Variants in GDPD1 observed in about 807,000 individuals in gnomAD.
GDPD1 encodes glycerophosphodiester phosphodiesterase domain containing 1.
GDPD1 carries 28 observed loss-of-function variants against 45.1 expected under a neutral mutation model. The observed-to-expected ratio is 0.62, with a 90% CI of 0.46 to 0.85. GDPD1 has a LOEUF of 0.85. GDPD1 is among the 40% of genes least tolerant of loss of function. GDPD1 has a pLI of 0.00. For synonymous variants in GDPD1, 139 were observed against 131.4 expected, an observed-to-expected ratio of 1.06 and a Z score of -0.40; for missense variants, 256 against 364.8, an observed-to-expected ratio of 0.70 and a Z score of 2.43.
chr17:59,237,671 A>C (rs1236949524), intron 2 of GDPD1, among the ~76,000 whole-genome samples: 2 of 152,262 alleles, frequency 1.3e-5, no homozygotes, highest in African/African-American at 4.8e-5. Context: ...TATTAATGAC[A>C]ATATAAATAG....
chr17:59,228,804 T>C (rs768421460), intron 1 of GDPD1, among the ~76,000 whole-genome samples: 161 of 151,034 alleles, frequency 1.1e-3, no homozygotes, highest in Admixed American at 1.7e-3. Context: ...TTGCTTGAGC[T>C]AGGAGTTTGA....
intron 8 of GDPD1, 36 bp from the exon 9 acceptor site, chr17:59,272,749 T>C (rs751535149): frequency 7.8e-7 from 1 of 1,276,848 alleles, no homozygotes; most frequent in Non-Finnish European, 1.1e-6. Flanking sequence ...GACTAAGGAC[T>C]AAATTCCTAA....
rs35411377 is a variant in GDPD1, at chr17:59,274,512, C to CA, written c.*763dup. On this transcript the variant is annotated 3_prime_UTR_variant, in exon 10 of 10. Coordinates refer to ENST00000284116, the MANE Select transcript of GDPD1 (RefSeq NM_182569.4). ...TGGGAGACAGAGTGAGACTCCGTCT[C>CA]AAAAAAAAAAAAAAAAAAAAAAAAT... The CA allele has an allele frequency of 0.11, 7,037 of 66,784 alleles. 629 individuals carry two copies. The highest frequency in any genetic ancestry group is 0.13 in the South Asian group (217 of 1,670). The allele number at this position is 66,784 out of a possible 1,614,324, so 4.1% of individuals were successfully genotyped here. A position where few individuals can be genotyped will look rare whatever the true frequency, so the allele number is the denominator to read the frequency against.
At chr17:59,227,728 A>T (rs541375649) in intron 1 of GDPD1, among the ~76,000 whole-genome samples, 2 of 152,274 alleles carry the variant, frequency 1.3e-5, no homozygotes, top group South Asian at 4.1e-4. Context: ...TAAATACACA[A>T]TTTTTACATA....
intron 1 of GDPD1, among the ~76,000 whole-genome samples, chr17:59,227,677 T>C (rs1018993169): frequency 6.6e-6 from 1 of 152,132 alleles, no homozygotes; most frequent in Non-Finnish European, 1.5e-5. Flanking sequence ...TTTCATGGAA[T>C]GTTTACTCTA....
intron 2 of GDPD1, among the ~76,000 whole-genome samples, chr17:59,237,262 C>A (rs1024585411): frequency 6.6e-6 from 1 of 151,790 alleles, no homozygotes; most frequent in Admixed American, 6.6e-5. Flanking sequence ...ATTAACCGGG[C>A]GTGGTGGTGC....
chr17:59,236,883 A>G (rs1257899428), intron 2 of GDPD1, among the ~76,000 whole-genome samples: 3 of 152,110 alleles, frequency 2.0e-5, no homozygotes, highest in African/African-American at 7.2e-5. Context: ...CTAGAAATTT[A>G]TATAAAACCC....
chr17:59,236,896 CTT>C (rs1173185644), intron 2 of GDPD1, among the ~76,000 whole-genome samples: 1 of 152,030 alleles, frequency 6.6e-6, no homozygotes, highest in Non-Finnish European at 1.5e-5. Context: ...TAAAACCCCT[CTT>C]TTTTTGAGTT....
intron 5 of GDPD1, 65 bp downstream of exon 5, chr17:59,257,305 G>A: frequency 1.2e-6 from 1 of 812,760 alleles, no homozygotes; most frequent in Non-Finnish European, 2.1e-6. Context: ...TAAGGTTAGA[G>A]TCAGTGACTG....
chr17:59,255,848 TATAC>T (rs1209813755), intron 4 of GDPD1, among the ~76,000 whole-genome samples: 5 of 84,628 alleles, frequency 5.9e-5, no homozygotes, highest in African/African-American at 2.5e-4. Context: ...TATATATATA[TATAC>T]ACACGTATAT....
intron 7 of GDPD1, among the ~76,000 whole-genome samples, chr17:59,268,615 CT>C (rs112021795): frequency 0.026 from 3,683 of 142,892 alleles, 181 homozygotes; most frequent in African/African-American, 0.09. Context: ...AAAGAAAACA[CT>C]TTTCATATCC....
chr17:59,220,577 C>G lies in GDPD1; in HGVS notation c.-33C>G, dbSNP rs546977004. ...CTGCCGCAGCGGAGTTCAGAGGGCC[C>G]GGAGGTGGGAGACTTCCCACACGGT... On this transcript the variant is annotated 5_prime_UTR_variant, in exon 1 of 10. Transcript: ENST00000284116. 2.8e-5 allele frequency: 45 copies of G among 1,605,950 alleles called. No individual in the cohort carries two copies. In the East Asian group the frequency reaches 2.9e-4, roughly 10 times the overall value.
intron 2 of GDPD1, among the ~76,000 whole-genome samples, chr17:59,240,741 G>A (rs1382431597): frequency 1.3e-5 from 2 of 152,128 alleles, no homozygotes; most frequent in East Asian, 1.9e-4. Context: ...AAAGTGTTGG[G>A]ATTACAGGCA....
chr17:59,269,234 T>A (rs1238356028), intron 7 of GDPD1, among the ~76,000 whole-genome samples: 1 of 150,938 alleles, frequency 6.6e-6, no homozygotes, highest in Non-Finnish European at 1.5e-5. Flanking sequence ...GAGGTGGAGG[T>A]TGCAGTGAGT....
At chr17:59,268,578 CAAA>C (rs1176390251) in intron 7 of GDPD1, among the ~76,000 whole-genome samples, 3 of 35,368 alleles carry the variant, frequency 8.5e-5, no homozygotes, top group African/African-American at 1.8e-4. Context: ...GACTCTGTCT[CAAA>C]AAAAAAAAAA....
At chr17:59,223,230 T>A (rs1052622216) in intron 1 of GDPD1, among the ~76,000 whole-genome samples, 2 of 152,234 alleles carry the variant, frequency 1.3e-5, no homozygotes, top group Non-Finnish European at 2.9e-5. Flanking sequence ...TATTTGTAAA[T>A]GCGGCATCAG....
intron 1 of GDPD1, among the ~76,000 whole-genome samples, chr17:59,230,223 A>G (rs529878272): frequency 6.6e-6 from 1 of 152,314 alleles, no homozygotes. Context: ...TTGAAGTTTT[A>G]TATATATCAG....
intron 1 of GDPD1, among the ~76,000 whole-genome samples, chr17:59,232,015 G>A (rs902795586): frequency 6.6e-6 from 1 of 152,114 alleles, no homozygotes; most frequent in African/African-American, 2.4e-5. Context: ...ATAAATTTGT[G>A]CATGTCTGGC....
At chr17:59,230,186 G>T (rs2047077927) in intron 1 of GDPD1, among the ~76,000 whole-genome samples, 1 of 152,046 alleles carries the variant, frequency 6.6e-6, no homozygotes, top group African/African-American at 2.4e-5. Context: ...CACTATATAT[G>T]ACCTGAAGAA....
Sources: gnomAD v4.1 joint callset for allele counts (sites outside exome capture counted in the v4.1 genomes callset) on GRCh38, gnomAD v4.1.1 for gene constraint, MANE v1.5 for transcripts, NCBI Gene and HGNC (gene_info 2026-07-23, HGNC 2026-07-21) for gene names.